KLC1: variants seen among roughly 807,000 people sequenced by gnomAD.
KLC1 encodes the protein kinesin 2 60/70kDa.
KLC1 carries 30 observed loss-of-function variants against 84.2 expected under a neutral mutation model. The observed-to-expected ratio is 0.36, with a 90% CI of 0.27 to 0.48. KLC1 has a LOEUF of 0.48. Among genes scored for constraint, KLC1 ranks in the 20% least tolerant of loss-of-function variants. The probability of loss-of-function intolerance (pLI) is 0.99; values close to 1 mark genes in which losing one functional copy is unlikely to be tolerated. For synonymous variants in KLC1, 289 were observed against 293.3 expected (o/e 0.99, Z 0.15); for missense variants, 499 against 805.4 (o/e 0.62, Z 4.60).
intron 12 of KLC1, 45 bp downstream of exon 12, chr14:103,677,568 T>C (rs1259001254): frequency 9.4e-7 from 1 of 1,066,138 alleles, no homozygotes; most frequent in Admixed American, 1.9e-5. Context: ...GAACTTTGAA[T>C]TGAATGCTTC....
intron 3 of KLC1, among the ~76,000 whole-genome samples, chr14:103,658,182 C>T (rs2078964662): frequency 6.6e-6 from 1 of 152,232 alleles, no homozygotes; most frequent in Non-Finnish European, 1.5e-5. Context: ...GGCTCTCTTG[C>T]CGCCTCTCTC....
chr14:103,644,214 C>CAAAAAAA (rs376316737), intron 1 of KLC1, among the ~76,000 whole-genome samples: 1 of 59,082 alleles, frequency 1.7e-5, no homozygotes, highest in Non-Finnish European at 3.1e-5. Flanking sequence ...GACTCTGTCT[C>CAAAAAAA]AAAAAAAAAA....
chr14:103,685,778 C>T, intron 13 of KLC1: 1 of 1,253,954 alleles, frequency 8.0e-7, no homozygotes, highest in Non-Finnish European at 1.0e-6. Flanking sequence ...GTGAACTGGC[C>T]ATTCCTTTCG....
chr14:103,685,487 C>A, intron 13 of KLC1: 1 of 1,251,338 alleles, frequency 8.0e-7, no homozygotes, highest in South Asian at 1.4e-5. Context: ...CTGGTAGAAG[C>A]AGGCAGAAGG....
intron 1 of KLC1, among the ~76,000 whole-genome samples, chr14:103,634,441 G>A (rs559170340): frequency 2.6e-5 from 4 of 152,150 alleles, no homozygotes; most frequent in South Asian, 2.1e-4. Flanking sequence ...TAAATCTGAA[G>A]TGCTTGTGGG....
chr14:103,673,270 TA>T, intron 8 of KLC1, 61 bp from the exon 9 acceptor site: 1 of 1,554,848 alleles, frequency 6.4e-7, no homozygotes, highest in Non-Finnish European at 8.7e-7. Context: ...AACTGGAGAT[TA>T]AAATGTATGC....
chr14:103,685,363 C>T lies in KLC1; in HGVS notation c.1651-1718C>T, dbSNP rs1021467089. 3.3e-6 allele frequency: 4 copies of T among 1,228,806 alleles called. No individual in the cohort carries two copies. The South Asian group carries it at 6.5e-5, about 20-fold the overall frequency. The allele number at this position is 1,228,806 out of a possible 1,614,324, so 76.1% of individuals were successfully genotyped here. A position where few individuals can be genotyped will look rare whatever the true frequency, so the allele number is the denominator to read the frequency against. ...CCAAGTGTCAAGGAGATTTCTAATA[C>T]GTTGCCAATCTTTACGCTTAAAGTG... On this transcript the variant is annotated intron_variant, in intron 13 of 16. Transcript: ENST00000334553.
rs1471082982 is a variant in KLC1 at position 103,693,523 on chromosome 14, T to A, written c.1848+1098T>A. The A allele has an allele frequency of 6.5e-7, 1 of 1,535,896 alleles. No homozygotes were observed. The highest frequency in any genetic ancestry group is 2.4e-5 in the East Asian group (1 of 40,908). On this transcript the variant is annotated intron_variant, in intron 15 of 16. Coordinates refer to ENST00000334553, the MANE Select transcript of KLC1 (RefSeq NM_001394837.1). This position sits in a 1 kb window ranked among gnomAD's most constrained non-coding sequence, Gnocchi z 5.1. ...GGCATCATTTGAAGTCCTGGTTAAG[T>A]GTAATTTTTCTATTTGTTTTTTCAT... is the stretch of plus-strand genomic sequence containing the variant.
chr14:103,680,479 T>C (rs1329441163), intron 13 of KLC1, among the ~76,000 whole-genome samples: 1 of 152,198 alleles, frequency 6.6e-6, no homozygotes, highest in East Asian at 1.9e-4. Flanking sequence ...TTTTATTCTT[T>C]AGGATTTTCT....
intron 11 of KLC1, among the ~76,000 whole-genome samples, chr14:103,677,143 G>C (rs1489058392): frequency 6.6e-6 from 1 of 152,208 alleles, no homozygotes; most frequent in African/African-American, 2.4e-5. Context: ...AGAGTGGCCA[G>C]TGGTCTGTGA....
rs1345327499 is a variant in KLC1, at chr14:103,694,793, T to A, written c.1848+2368T>A. On this transcript the variant is annotated intron_variant, in intron 15 of 16. Coordinates refer to ENST00000334553, the MANE Select transcript of KLC1 (RefSeq NM_001394837.1). The surrounding 1 kb of genome is among the most constrained non-coding windows in gnomAD (Gnocchi z 4.5). ...ACCTTCAGCCTCTAGAAGCTCCCCGTGGGGCACGAAGGCTGGGGACAGAGT... is the reference window on the plus strand; with the variant it reads ...ACCTTCAGCCTCTAGAAGCTCCCCGAGGGGCACGAAGGCTGGGGACAGAGT... 2 of 985,348 alleles carry A rather than the reference T, an allele frequency of 2.0e-6. No homozygotes were observed. The highest frequency in any genetic ancestry group is 3.5e-5 in the African/African-American group (2 of 57,258). The allele number at this position is 985,348 out of a possible 1,614,324, so 61.0% of individuals were successfully genotyped here. A position where few individuals can be genotyped will look rare whatever the true frequency, so the allele number is the denominator to read the frequency against.
intron 1 of KLC1, among the ~76,000 whole-genome samples, chr14:103,630,222 A>C (rs2076572305): frequency 6.6e-6 from 1 of 152,206 alleles, no homozygotes; most frequent in Non-Finnish European, 1.5e-5. Context: ...AATTGGGTGT[A>C]CCCTTTTCCT....
Position 103,669,537 on chromosome 14 carries a change from C to G in KLC1, c.824C>G (p.Ala275Gly). The change falls in exon 6 of 17, where the codon GCT (alanine) becomes GGT (glycine). Residue 275 changes from alanine to glycine, a missense_variant. Ala to Gly is a moderately conservative substitution (Grantham distance 60). Around this residue, in one of 3 missense-constraint regions of KLC1, gnomAD observed 153 missense variants for 332.4 expected, o/e 0.46. Transcript: ENST00000334553. ...YRDQNKYKDA[A>G]NLLNDALAIR... The stretch of plus-strand genomic sequence containing the variant: ...GATCAGAATAAATACAAAGATGCAG[C>G]TAACCTACTGAATGATGCCTTGGCT... The G allele has an allele frequency of 1.2e-6, 2 of 1,611,860 alleles. No individual in the cohort carries two copies. Among genetic ancestry groups the G allele is most frequent in the Non-Finnish European group, 1.7e-6 (2 of 1,177,986 alleles).
At chr14:103,631,891 A>T (rs963891748) in intron 1 of KLC1, among the ~76,000 whole-genome samples, 4 of 152,110 alleles carry the variant, frequency 2.6e-5, no homozygotes, top group African/African-American at 9.7e-5. Context: ...GAGCCATTGC[A>T]CCTGGGCTGA....
intron 15 of KLC1, chr14:103,696,195 T>A (rs1237499979): frequency 1.0e-6 from 1 of 980,122 alleles, no homozygotes; most frequent in African/African-American, 1.8e-5. Context: ...AGCATATCTC[T>A]GGGTAGTTGG....
At chr14:103,674,578 C>T (rs11627794) in intron 9 of KLC1, among the ~76,000 whole-genome samples, 25,377 of 151,872 alleles carry the variant, frequency 0.17, 2,697 homozygotes, top group Non-Finnish European at 0.25. Flanking sequence ...CCACGCCCGG[C>T]TAATTTTTGT....
At chr14:103,635,121 C>T (rs571485929) in intron 1 of KLC1, among the ~76,000 whole-genome samples, 4 of 152,130 alleles carry the variant, frequency 2.6e-5, no homozygotes, top group Non-Finnish European at 5.9e-5. Flanking sequence ...CTTAAAGCAA[C>T]GGATATGGAG....
intron 1 of KLC1, among the ~76,000 whole-genome samples, chr14:103,640,360 T>C (rs898016283): frequency 6.0e-5 from 9 of 150,734 alleles, no homozygotes; most frequent in African/African-American, 2.2e-4. Flanking sequence ...GCCCCTGGCC[T>C]GTGAATTCTT....
At chr14:103,676,750 C>T (rs753667229) in intron 11 of KLC1, among the ~76,000 whole-genome samples, 24 of 152,172 alleles carry the variant, frequency 1.6e-4, no homozygotes, top group Non-Finnish European at 2.4e-4. Flanking sequence ...AGAACTCTCT[C>T]GAAGTACTTA....
Sources: gnomAD v4.1 joint callset for allele counts (sites outside exome capture counted in the v4.1 genomes callset) on GRCh38, gnomAD v4.1.1 for gene constraint, gnomAD v4.1.1 regional missense constraint, Gnocchi (gnomAD v3.1) non-coding constraint, MANE v1.5 for transcripts, NCBI Gene and HGNC (gene_info 2026-07-23, HGNC 2026-07-21) for gene names.